The following RHD variants were observed in gnomAD, a reference collection of about 807,000 sequenced individuals.
RHD encodes blood group Rh(D) polypeptide.
In RHD, 16 loss-of-function variants were observed where a neutral mutation model predicts 45.5. The observed-to-expected ratio is 0.35, with a 90% confidence interval of 0.24 to 0.53. RHD has a LOEUF of 0.53. Among genes scored for constraint, RHD ranks in the 20% least tolerant of loss-of-function variants. The pLI is 0.92. For synonymous variants in RHD, 131 were observed against 217.5 expected (o/e 0.60, Z 3.50); for missense variants, 306 against 532.0 (o/e 0.58, Z 4.18).
intron 1 of RHD, among the ~76,000 whole-genome samples, chr1:25,274,140 A>T (rs2124582700): frequency 7.5e-6 from 1 of 132,778 alleles, no homozygotes; most frequent in East Asian, 1.9e-4. Context: ...TGTACCAGGC[A>T]CTATTCTACA....
At chr1:25,289,914 A>G (rs376081776) in intron 2 of RHD, among the ~76,000 whole-genome samples, 2 of 130,422 alleles carry the variant, frequency 1.5e-5, no homozygotes, top group Admixed American at 7.4e-5. Context: ...GGAAGGAATC[A>G]TAATAGCGTT....
intron 2 of RHD, among the ~76,000 whole-genome samples, chr1:25,285,807 T>C (rs1251286800): frequency 2.2e-5 from 3 of 135,092 alleles, no homozygotes. Flanking sequence ...TCTGAATCCC[T>C]GTGCTGCCCA....
At position 25,303,735 on chromosome 1, in the gene RHD, G is replaced by T. The variant is rs1211386625; in HGVS notation, c.939+276G>T. 1.5e-5 allele frequency among the ~76,000 whole-genome samples: 2 copies of T among 131,762 alleles called. 1 individual carries two copies. The highest frequency in any genetic ancestry group is 3.6e-5 in the Non-Finnish European group (2 of 55,642). The allele number at this position is 131,762 out of a possible 152,430, so 86.4% of individuals were successfully genotyped here. On this transcript the variant is annotated intron_variant, in intron 6 of 9. Coordinates refer to ENST00000328664, the MANE Select transcript of RHD (RefSeq NM_016124.6). ...GTCACAGAACTCAAGGACAGGGACT[G>T]GAGTGTTGTGGGGAGCCCCGAAGCC...
intron 1 of RHD, among the ~76,000 whole-genome samples, chr1:25,275,014 T>C (rs141737761): frequency 0.029 from 3,695 of 129,126 alleles, 607 homozygotes; most frequent in African/African-American, 0.09. Flanking sequence ...AGGGACTGGG[T>C]GTGGTGACTC....
Position 25,289,205 on chromosome 1 carries a change from G to C in RHD, c.336-1436G>C, listed in dbSNP as rs1237867246. ...ATTTTACAGAGAGTGAATTTTTTTT[G>C]TGTGTGTGTGAGGCAGTCTTACTCT... On this transcript the variant is annotated intron_variant, in intron 2 of 9. Coordinates refer to ENST00000328664, the MANE Select transcript of RHD (RefSeq NM_016124.6). Among the ~76,000 whole-genome samples, 70 of 131,618 alleles carry C rather than the reference G, an allele frequency of 5.3e-4. 15 individuals carry two copies. Among genetic ancestry groups the C allele is most frequent in the Middle Eastern group, 4.1e-3 (1 of 244 alleles). 86.3% of individuals were successfully genotyped at this position (131,618 alleles called of 152,430 possible).
Position 25,307,384 on chromosome 1 carries a change from T to C in RHD, c.1073+655T>C, listed in dbSNP as rs1302687071. ...CCTAGCCATTACTTCCTGGATGTTG[T>C]GTGAATATTTTCTGGACATGGCTTA... On this transcript the variant is annotated intron_variant, in intron 7 of 9. Coordinates refer to ENST00000328664, the MANE Select transcript of RHD (RefSeq NM_016124.6). Among the ~76,000 whole-genome samples the C allele has an allele frequency of 8.4e-5, 11 of 131,578 alleles. 4 individuals are homozygous for C. Among genetic ancestry groups the C allele is most frequent in the Admixed American group, 8.1e-4 (11 of 13,550 alleles). The allele number at this position is 131,578 out of a possible 152,430, so 86.3% of individuals were successfully genotyped here.
Position 25,290,793 on chromosome 1 carries a change from T to A in RHD, c.486+2T>A, listed in dbSNP as rs1307580717. ...ATGGTCATCAGTAATATCTTCAACG[T>A]GAGTCATGGTGCTGGGAGGAGGGAC... On this transcript the variant is annotated splice_donor_variant, in intron 3 of 9. Transcript: ENST00000328664. LOFTEE classifies it high-confidence loss of function. The A allele has an allele frequency of 4.4e-5, 60 of 1,376,140 alleles. 18 individuals are homozygous for A. Among genetic ancestry groups the A allele is most frequent in the Non-Finnish European group, 5.8e-5 (57 of 977,630 alleles). The allele number at this position is 1,376,140 out of a possible 1,614,324, so 85.2% of individuals were successfully genotyped here.
intron 1 of RHD, among the ~76,000 whole-genome samples, chr1:25,279,111 G>A (rs2124602685): frequency 7.8e-6 from 1 of 127,454 alleles, no homozygotes; most frequent in African/African-American, 2.7e-5. Flanking sequence ...CCAAGGGGAT[G>A]GACTCAGAAG....
Position 25,301,020 on chromosome 1 carries a change from G to A in RHD, c.561G>A (p.Leu187=). The A allele has an allele frequency of 1.5e-6, 2 of 1,377,030 alleles. 1 individual carries two copies. Among genetic ancestry groups the A allele is most frequent in the East Asian group, 4.5e-5 (2 of 44,642 alleles). The allele number at this position is 1,377,030 out of a possible 1,614,324, so 85.3% of individuals were successfully genotyped here. Residue 187 remains leucine (L), a synonymous_variant, in exon 4 of 10, where the codon CTG becomes CTA. Transcript: ENST00000328664. ...TTGGGCTGTCTGTGGCCTGGTGCCTGCCAAAGCCTCTACCCGAGGGAACGG... is the reference window on the plus strand; with the variant it reads ...TTGGGCTGTCTGTGGCCTGGTGCCTACCAAAGCCTCTACCCGAGGGAACGG... ...AYFGLSVAWC[L]PKPLPEGTED... is the part of the protein sequence containing the mutation.
rs1206003436 is a variant in RHD, at chr1:25,319,360, A to G, written c.1153+2281A>G. On this transcript the variant is annotated intron_variant, in intron 8 of 9. Coordinates refer to ENST00000328664, the MANE Select transcript of RHD (RefSeq NM_016124.6). Reference sequence around the variant, plus strand: ...AACAACTTGGGTGGCTCATACTTGTAATCCCAGCACCTTGGGAAGCTGAGG... The same window carrying G: ...AACAACTTGGGTGGCTCATACTTGTGATCCCAGCACCTTGGGAAGCTGAGG... Among the ~76,000 whole-genome samples the G allele has an allele frequency of 2.3e-5, 3 of 132,824 alleles. 1 individual carries two copies. The highest frequency in any genetic ancestry group is 5.4e-5 in the Non-Finnish European group (3 of 56,006). The allele number at this position is 132,824 out of a possible 152,430, so 87.1% of individuals were successfully genotyped here. A position where few individuals can be genotyped will look rare whatever the true frequency, so the allele number is the denominator to read the frequency against.
rs374796895 is a variant in RHD at position 25,273,157 on chromosome 1, G to A, written c.148+462G>A. Among the ~76,000 whole-genome samples, 315 of 129,620 alleles carry A rather than the reference G, an allele frequency of 2.4e-3. 66 individuals are homozygous for A. Among genetic ancestry groups the A allele is most frequent in the Admixed American group, 5.3e-3 (71 of 13,284 alleles). The allele number at this position is 129,620 out of a possible 152,430, so 85.0% of individuals were successfully genotyped here. A position where few individuals can be genotyped will look rare whatever the true frequency, so the allele number is the denominator to read the frequency against. On this transcript the variant is annotated intron_variant, in intron 1 of 9. Transcript: ENST00000328664. ...CGCTCATTTCTTATTTCTTTTTGAG[G>A]CAGGGTCTCACTCTGTTGCCCAGGC...
At chr1:25,272,970 A>G (rs1640621620) in intron 1 of RHD, among the ~76,000 whole-genome samples, 1 of 131,220 alleles carries the variant, frequency 7.6e-6, no homozygotes, top group South Asian at 2.3e-4. Flanking sequence ...CCCTCTACCA[A>G]ATGGTCTTCA....
At chr1:25,275,682 TATA>T (rs1640905036) in intron 1 of RHD, among the ~76,000 whole-genome samples, 2 of 133,504 alleles carry the variant, frequency 1.5e-5, no homozygotes, top group South Asian at 2.3e-4. Context: ...AAATGAAATA[TATA>T]ATATTTTCAA....
intron 7 of RHD, among the ~76,000 whole-genome samples, chr1:25,316,532 A>G (rs1449226161): frequency 1.9e-5 from 2 of 107,952 alleles, no homozygotes; most frequent in Non-Finnish European, 4.5e-5. Flanking sequence ...GAATCGCTTG[A>G]ACCTGGGGGA....
intron 1 of RHD, among the ~76,000 whole-genome samples, chr1:25,284,359 C>T (rs559311999): frequency 2.2e-5 from 3 of 135,906 alleles, no homozygotes; most frequent in African/African-American, 7.6e-5. Flanking sequence ...TTTAGCTCCT[C>T]TAATCCTTAT....
rs1177571454 is a variant in RHD at position 25,279,835 on chromosome 1, C to T, written c.149-4738C>T. ...ATTCCCCTCTGGGTCCAGGCATGGG[C>T]GCCCGGGTAGCACATCCACTTCTTA... On this transcript the variant is annotated intron_variant, in intron 1 of 9. Coordinates refer to ENST00000328664, the MANE Select transcript of RHD (RefSeq NM_016124.6). 2.3e-5 allele frequency among the ~76,000 whole-genome samples: 3 copies of T among 130,604 alleles called. 1 individual carries two copies. The highest frequency in any genetic ancestry group is 2.0e-4 in the East Asian group (1 of 5,120). 85.7% of individuals were successfully genotyped at this position (130,604 alleles called of 152,430 possible).
chr1:25,306,652 C>T lies in RHD; in HGVS notation c.996C>T (p.Phe332=). 3 of 1,378,546 alleles carry T rather than the reference C, an allele frequency of 2.2e-6. 1 individual carries two copies. The highest frequency in any genetic ancestry group is 1.0e-6 in the Non-Finnish European group (1 of 978,974). 85.4% of individuals were successfully genotyped at this position (1,378,546 alleles called of 1,614,324 possible). ...ACAGCTCCATCATGGGCTACAACTT[C>T]AGCTTGCTGGGTCTGCTTGGAGAGA... ...IPHSSIMGYN[F]SLLGLLGEII... The change falls in exon 7 of 10, where the codon TTC becomes TTT. Residue 332 remains phenylalanine, a synonymous_variant. Transcript: ENST00000328664.
intron 3 of RHD, among the ~76,000 whole-genome samples, chr1:25,297,586 G>T (rs1217576381): frequency 7.6e-6 from 1 of 130,866 alleles, no homozygotes; most frequent in East Asian, 2.0e-4. Flanking sequence ...TTCAGTAGTT[G>T]GCATTCTTCT....
intron 1 of RHD, among the ~76,000 whole-genome samples, chr1:25,281,555 A>AGTGAGCAC: frequency 7.6e-6 from 1 of 132,168 alleles, no homozygotes; most frequent in East Asian, 2.0e-4. Context: ...CTGCTCCCGC[A>AGTGAGCAC]TGTGCACTGC....
Sources: allele counts gnomAD v4.1 joint callset (sites outside exome capture counted in the v4.1 genomes callset), GRCh38; gene constraint gnomAD v4.1.1; transcripts MANE v1.5; gene names NCBI Gene and HGNC (gene_info 2026-07-23, HGNC 2026-07-21).